The following UGT1A9 variants were observed in gnomAD, a reference collection of about 807,000 sequenced individuals.
The protein encoded by UGT1A9 is UDP glucuronosyltransferase family 1 member A9.
A neutral mutation model predicts 45.0 loss-of-function variants in UGT1A9; 35 were observed. That is an observed-to-expected ratio of 0.78 (90% CI 0.59 to 1.03). The LOEUF (loss-of-function observed/expected upper bound fraction) is 1.03. Ranked by LOEUF, UGT1A9 falls within the 50% of genes least tolerant of loss-of-function variation. UGT1A9 has a pLI of 0.00. For missense variants in UGT1A9, 687 were observed against 666.6 expected (o/e 1.03, Z -0.34); for synonymous variants, 278 against 250.6 (o/e 1.11, Z -1.03).
At chr2:233,766,979 T>C in intron 1 of UGT1A9, 55 bp from the exon 2 acceptor site, 1 of 1,612,672 alleles carries the variant, frequency 6.2e-7, no homozygotes, top group Non-Finnish European at 8.5e-7. Flanking sequence ...TTACTGTATG[T>C]AGTCATCAAA....
chr2:233,763,660 ACTC>A (rs2126005319), intron 1 of UGT1A9, among the ~76,000 whole-genome samples: 1 of 152,174 alleles, frequency 6.6e-6, no homozygotes, highest in South Asian at 2.1e-4. Context: ...TCTTGATAAA[ACTC>A]CTGAACTTTA....
At chr2:233,714,597 G>T (rs1437525626) in intron 1 of UGT1A9, among the ~76,000 whole-genome samples, 2 of 152,186 alleles carry the variant, frequency 1.3e-5, no homozygotes, top group Admixed American at 6.5e-5. Context: ...TTTCTAGTGG[G>T]CATGTTAAAC....
In UGT1A9 at chr2:233,761,134, C is replaced by T. The variant is rs1160983011; in HGVS notation, c.856-5900C>T. ...TGTTGGTGGAATCAACTGCCTTCAC[C>T]AAAATCCACTATCCCAGGTGTGTAT... On this transcript the variant is annotated intron_variant, in intron 1 of 4. Coordinates refer to ENST00000354728, the MANE Select transcript of UGT1A9 (RefSeq NM_021027.3). 3.7e-6 allele frequency: 6 copies of T among 1,614,160 alleles called. No homozygotes were observed. Among genetic ancestry groups the T allele is most frequent in the Non-Finnish European group, 5.1e-6 (6 of 1,180,024 alleles).
At chr2:233,694,448 G>A (rs559666180) in intron 1 of UGT1A9, among the ~76,000 whole-genome samples, 2 of 152,240 alleles carry the variant, frequency 1.3e-5, no homozygotes, top group Admixed American at 1.3e-4. Context: ...TTACTGACTG[G>A]CCTTTTCAGC....
intron 1 of UGT1A9, chr2:233,682,132 A>G (rs370145562): frequency 2.6e-5 from 42 of 1,614,106 alleles, no homozygotes; most frequent in Non-Finnish European, 3.2e-5. Flanking sequence ...TGAGTTGGCA[A>G]CTGGGAAGAT....
At chr2:233,747,551 T>C in intron 1 of UGT1A9, 1 of 1,601,212 alleles carries the variant, frequency 6.2e-7, no homozygotes, top group Non-Finnish European at 8.6e-7. Context: ...TTTCTAAAAG[T>C]ATGGCAATTT....
At chr2:233,690,626 G>A in intron 1 of UGT1A9, 4 of 1,288,804 alleles carry the variant, frequency 3.1e-6, no homozygotes, top group Non-Finnish European at 3.0e-6. Flanking sequence ...ACACTCAAGT[G>A]ATACCTGAGG....
chr2:233,729,432 AAC>A (rs1456497728), intron 1 of UGT1A9: 1 of 1,613,916 alleles, frequency 6.2e-7, no homozygotes, highest in East Asian at 2.2e-5. Flanking sequence ...TGTACTTTGA[AAC>A]AGAACATTTT....
At chr2:233,761,146 T>A in intron 1 of UGT1A9, 1 of 1,614,232 alleles carries the variant, frequency 6.2e-7, no homozygotes, top group Non-Finnish European at 8.5e-7. Flanking sequence ...AAATCCACTA[T>A]CCCAGGTGTG....
At chr2:233,758,130 G>A (rs1468544509) in intron 1 of UGT1A9, among the ~76,000 whole-genome samples, 2 of 152,174 alleles carry the variant, frequency 1.3e-5, no homozygotes, top group African/African-American at 4.8e-5. Flanking sequence ...ATAAATATTT[G>A]GCAGATGAGG....
chr2:233,743,882 C>T (rs779162939), intron 1 of UGT1A9: 31 of 1,366,974 alleles, frequency 2.3e-5, no homozygotes, highest in African/African-American at 3.0e-5. Context: ...TGAGGCCTGC[C>T]GGGGCACGTC....
chr2:233,711,404 C>T (rs45498502), intron 1 of UGT1A9, among the ~76,000 whole-genome samples: 3,771 of 152,318 alleles, frequency 0.025, 67 homozygotes, highest in East Asian at 0.044. Flanking sequence ...ACCCTCACCC[C>T]GGGCTCATCA....
intron 1 of UGT1A9, among the ~76,000 whole-genome samples, chr2:233,699,760 A>G (rs921054615): frequency 7.9e-5 from 12 of 152,218 alleles, no homozygotes; most frequent in African/African-American, 2.4e-4. Context: ...CCAGTTCCTC[A>G]GGACTAGTTC....
rs1387823761 is a variant in UGT1A9 at position 233,672,487 on chromosome 2, G to A, written c.553G>A (p.Ala185Thr). Residue 185 changes from alanine to threonine, a missense_variant, in exon 1 of 5, where the codon GCT (alanine) becomes ACT (threonine). By Grantham distance (58) the Ala-to-Thr change is moderately conservative. Transcript: ENST00000354728. ...TCTTGAAGAAGGTGCACAGTGCCCT[G>A]CTCCTCTTTCCTATGTCCCCAGAAT... ...HYLEEGAQCP[A>T]PLSYVPRILL... is the part of the protein sequence containing the mutation. The A allele has an allele frequency of 1.9e-6, 3 of 1,613,938 alleles. No individual in the cohort carries two copies. In the East Asian group the frequency reaches 6.7e-5, roughly 36 times the overall value.
chr2:233,697,173 G>A (rs981412328), intron 1 of UGT1A9, among the ~76,000 whole-genome samples: 1 of 152,010 alleles, frequency 6.6e-6, no homozygotes, highest in Non-Finnish European at 1.5e-5. Context: ...TTTTAAAAAT[G>A]GTTGGTAGAA....
At chr2:233,693,351 T>G in intron 1 of UGT1A9, 1 of 1,614,154 alleles carries the variant, frequency 6.2e-7, no homozygotes, top group Non-Finnish European at 8.5e-7. Context: ...AGGAATAACA[T>G]GATTGTTATT....
intron 1 of UGT1A9, among the ~76,000 whole-genome samples, chr2:233,705,148 A>AAG (rs939982250): frequency 1.6e-4 from 24 of 150,886 alleles, no homozygotes; most frequent in Admixed American, 1.5e-3. Flanking sequence ...AAAAAAAAAA[A>AAG]AGAGAGAGAG....
intron 1 of UGT1A9, among the ~76,000 whole-genome samples, chr2:233,719,849 T>C (rs1418135949): frequency 6.6e-6 from 1 of 152,222 alleles, no homozygotes; most frequent in Non-Finnish European, 1.5e-5. Context: ...ATTTCAAGTT[T>C]TCAGTGGTCA....
Position 233,724,752 on chromosome 2 carries a change from C to T in UGT1A9, c.856-42282C>T, listed in dbSNP as rs545669110. On this transcript the variant is annotated intron_variant, in intron 1 of 4. Coordinates refer to ENST00000354728, the MANE Select transcript of UGT1A9 (RefSeq NM_021027.3). The stretch of plus-strand genomic sequence containing the variant: ...GCAGAGGGGCTCCTCACATCCCAGA[C>T]GATGGGCGGCCAGGCAGAGACACTC... 4.9e-4 allele frequency among the ~76,000 whole-genome samples: 69 copies of T among 142,122 alleles called. 9 individuals carry two copies. In the East Asian group the frequency reaches 0.011, roughly 22 times the overall value. The allele number at this position is 142,122 out of a possible 152,430, so 93.2% of individuals were successfully genotyped here. A position where few individuals can be genotyped will look rare whatever the true frequency, so the allele number is the denominator to read the frequency against.
Sources: gnomAD v4.1 joint callset for allele counts (sites outside exome capture counted in the v4.1 genomes callset) on GRCh38, gnomAD v4.1.1 for gene constraint, MANE v1.5 for transcripts, NCBI Gene and HGNC (gene_info 2026-07-23, HGNC 2026-07-21) for gene names.